Variants in PHF1 observed in about 807,000 individuals in gnomAD.
The protein encoded by PHF1 is PHD finger protein 1, also known as polycomb-like 1.
Under a neutral mutation model 69.4 loss-of-function variants are expected in PHF1, and 16 were observed. The observed-to-expected ratio is 0.23, with a 90% CI of 0.16 to 0.35. PHF1 has a LOEUF of 0.35. Among genes scored for constraint, PHF1 ranks in the 10% least tolerant of loss-of-function variants. PHF1 has a pLI of 1.00. For missense variants in PHF1, 515 were observed against 732.8 expected, an observed-to-expected ratio of 0.70 and a Z score of 3.43; for synonymous variants, 274 against 275.0, an observed-to-expected ratio of 1.00 and a Z score of 0.04.
At position 33,412,867 on chromosome 6, in the gene PHF1, C is replaced by T. The variant is rs907128800; in HGVS notation, c.337+74C>T. On this transcript the variant is annotated intron_variant, in intron 4 of 14. Transcript: ENST00000374516. This position sits in a 1 kb window ranked among gnomAD's most constrained non-coding sequence, Gnocchi z 4.2. ...ATGGTCTCTATATCACCTGTCCTGG[C>T]CTTAGTCCCCAAGCCACTGCTCTGG... is the stretch of plus-strand genomic sequence containing the variant. The T allele has an allele frequency of 1.0e-5, 13 of 1,244,342 alleles. No individual in the cohort carries two copies. Among genetic ancestry groups the T allele is most frequent in the African/African-American group, 3.0e-5 (2 of 67,732 alleles). 77.1% of individuals were successfully genotyped at this position (1,244,342 alleles called of 1,614,324 possible). A position where few individuals can be genotyped will look rare whatever the true frequency, so the allele number is the denominator to read the frequency against.
rs758714518 is a variant in PHF1 at position 33,415,217 on chromosome 6, C to T, written c.1240-18C>T. The T allele has an allele frequency of 6.2e-7, 1 of 1,612,958 alleles. No homozygotes were observed. Among genetic ancestry groups the T allele is most frequent in the East Asian group, 2.2e-5 (1 of 44,862 alleles). On this transcript the variant is annotated intron_variant, in intron 12 of 14. Coordinates refer to ENST00000374516, the MANE Select transcript of PHF1 (RefSeq NM_024165.3). ...AGGAGTCAAGGATTATCTCTCAGTC[C>T]TTTGCCCCCTCTTCTAGGCCTCAGT... is the stretch of plus-strand genomic sequence containing the variant.
In PHF1 at chr6:33,412,306, C is replaced by T; in HGVS notation, c.43C>T (p.Leu15Phe). 1 of 1,614,202 alleles carries T rather than the reference C, an allele frequency of 6.2e-7. No homozygotes were observed. Among genetic ancestry groups the T allele is most frequent in the South Asian group, 1.1e-5 (1 of 91,086 alleles). ...PRLSRSGASS[L>F]WDPASPAPTS... ...GCTGAGCCGCTCTGGTGCCTCCTCA[C>T]TTTGGGACCCAGCTTCTCCTGCTCC... Residue 15 changes from leucine to phenylalanine, a missense_variant, in exon 2 of 15, where the codon CTT (leucine) becomes TTT (phenylalanine). Physicochemically the swap from Leu to Phe is conservative, Grantham distance 22 (BLOSUM62 0). Transcript: ENST00000374516. This position sits in a 1 kb window ranked among gnomAD's most constrained non-coding sequence, Gnocchi z 4.2.
Position 33,414,063 on chromosome 6 carries a change from G to C in PHF1, c.706G>C (p.Val236Leu). ...CAGGTTCTATGAATTTGAATGCTGTGTGTGTCGCGGGGGCCCTGAGAAAGT... is the reference window on the plus strand; with the variant it reads ...CAGGTTCTATGAATTTGAATGCTGTCTGTGTCGCGGGGGCCCTGAGAAAGT... ...GDRFYEFECCVCRGGPEKVRR... is the reference protein window; with the variant it reads ...GDRFYEFECCLCRGGPEKVRR... Residue 236 changes from valine (V) to leucine (L), a missense_variant, in exon 8 of 15, where the codon GTG becomes CTG. By Grantham distance (32) the Val-to-Leu change is conservative. Transcript: ENST00000374516. The surrounding 1 kb of genome is among the most constrained non-coding windows in gnomAD (Gnocchi z 5.0). 6.2e-7 allele frequency: 1 copy of C among 1,614,142 alleles called. No homozygotes were observed.
Position 33,414,250 on chromosome 6 carries a change from G to A in PHF1, c.760G>A (p.Val254Met), listed in dbSNP as rs1374660454. 1 of 1,614,030 alleles carries A rather than the reference G, an allele frequency of 6.2e-7. No individual in the cohort carries two copies. The highest frequency in any genetic ancestry group is 1.3e-5 in the African/African-American group (1 of 74,904). Residue 254 changes from valine (V) to methionine (M), a missense_variant, in exon 9 of 15, where the codon GTG (valine) becomes ATG (methionine). By Grantham distance (21) the Val-to-Met change is conservative. Transcript: ENST00000374516. The surrounding 1 kb of genome is among the most constrained non-coding windows in gnomAD (Gnocchi z 5.0). The part of the protein sequence containing the change: ...VRRLQLRWVD[V>M]AHLVLYHLSV... ...AAAACTTTGTTTTTCCAGGGTGGAT[G>A]TGGCCCATCTTGTCCTGTATCACCT...
chr6:33,415,995 G>T lies in PHF1; in HGVS notation c.1601G>T (p.Gly534Val), dbSNP rs201620118. 26 of 1,614,016 alleles carry T rather than the reference G, an allele frequency of 1.6e-5. No homozygotes were observed. The highest frequency in any genetic ancestry group is 2.2e-5 in the Non-Finnish European group (26 of 1,179,908). The stretch of plus-strand genomic sequence containing the variant: ...GGGGGAGGAGTCCGAGGTGGGGTTG[G>T]TTACCTGTCCCGAGGGGACCCTGTC... ...GTGGGVRGGV[G>V]YLSRGDPVRV... The change falls in exon 15 of 15, where the codon GGT becomes GTT. Residue 534 changes from glycine (G) to valine (V), a missense_variant. Physicochemically the swap from Gly to Val is moderately radical, Grantham distance 109 (BLOSUM62 -3). This residue lies in a region of PHF1 where 274 missense variants were observed against 304.5 expected (regional missense o/e 0.90). Coordinates refer to ENST00000374516, the MANE Select transcript of PHF1 (RefSeq NM_024165.3).
chr6:33,412,775 T>C lies in PHF1; in HGVS notation c.319T>C (p.Cys107Arg). 1 of 1,613,938 alleles carries C rather than the reference T, an allele frequency of 6.2e-7. No homozygotes were observed. Among genetic ancestry groups the C allele is most frequent in the Non-Finnish European group, 8.5e-7 (1 of 1,179,964 alleles). The change falls in exon 4 of 15, where the codon TGT becomes CGT. Residue 107 changes from cysteine to arginine, a missense_variant. By Grantham distance (180) the Cys-to-Arg change is radical. Around this residue, in one of 5 missense-constraint regions of PHF1, gnomAD observed 142 missense variants for 309.7 expected, o/e 0.46. Transcript: ENST00000374516. The surrounding 1 kb of genome is among the most constrained non-coding windows in gnomAD (Gnocchi z 4.2). ...GGTCCCTGGGAACCGGCTGGTCAGC[T>C]GTGAGAAGTGTCGCCATGGTGAGAG... ...TVVPGNRLVS[C>R]EKCRHAYHQD...
rs776369338 is a variant in PHF1 at position 33,412,443 on chromosome 6, CCTT to C, written c.159+26_159+28del. On this transcript the variant is annotated intron_variant, in intron 2 of 14. Transcript: ENST00000374516. The surrounding 1 kb of genome is among the most constrained non-coding windows in gnomAD (Gnocchi z 4.2). ...AAAAGGTAAGACCTTCTACCTCTGA[CCTT>C]CTTCCTAGTTCCCTTATCTAATTCT... 1.2e-5 allele frequency: 20 copies of C among 1,614,108 alleles called. No homozygotes were observed. Among genetic ancestry groups the C allele is most frequent in the African/African-American group, 1.3e-5 (1 of 74,942 alleles).
At chr6:33,410,832 C>G (rs868836530), upstream of PHF1, 6 of 152,286 alleles carry the variant, frequency 3.9e-5, no homozygotes, top group South Asian at 6.2e-4. Flanking sequence ...CGACTCTTCG[C>G]TCCCCAAGCC....
In PHF1 at chr6:33,412,272, G is replaced by GC. The variant is rs770498402; in HGVS notation, c.16dup (p.Arg6ProfsTer38). On this transcript the variant is annotated frameshift_variant, in exon 2 of 15. Transcript: ENST00000374516. LOFTEE classifies it high-confidence loss of function. This position sits in a 1 kb window ranked among gnomAD's most constrained non-coding sequence, Gnocchi z 4.2. ...GGCCCCCCCAGGATGCAATGGCGCA[G>GC]CCCCCCCGGCTGAGCCGCTCTGGTG... The GC allele has an allele frequency of 3.2e-5, 52 of 1,612,720 alleles. No individual in the cohort carries two copies. The highest frequency in any genetic ancestry group is 4.0e-5 in the African/African-American group (3 of 74,834).
chr6:33,412,102 C>A lies in PHF1; in HGVS notation c.-16-146C>A. Reference sequence around the variant, plus strand: ...GCCTGAACCCGGGAGGTGGAGGTTGCAGTGAGCCAAGATTGTGCCACTGCA... The same window carrying A: ...GCCTGAACCCGGGAGGTGGAGGTTGAAGTGAGCCAAGATTGTGCCACTGCA... On this transcript the variant is annotated intron_variant, in intron 1 of 14. Transcript: ENST00000374516. The surrounding 1 kb of genome is among the most constrained non-coding windows in gnomAD (Gnocchi z 4.2). 4.7e-6 allele frequency: 3 copies of A among 639,920 alleles called. No homozygotes were observed. The South Asian group carries it at 6.2e-5, about 13-fold the overall frequency. The allele number at this position is 639,920 out of a possible 1,614,324, so 39.6% of individuals were successfully genotyped here. A position where few individuals can be genotyped will look rare whatever the true frequency, so the allele number is the denominator to read the frequency against.
rs879101450 is a variant in PHF1 at position 33,414,710 on chromosome 6, C to A, written c.945-15C>A. The stretch of plus-strand genomic sequence containing the variant: ...TTACAGCACTGACCCTATATCATTT[C>A]TCTTCTTGCCCCAGTTTCATTTCAG... On this transcript the variant is annotated splice_polypyrimidine_tract_variant and intron_variant, in intron 10 of 14. Transcript: ENST00000374516. This position sits in a 1 kb window ranked among gnomAD's most constrained non-coding sequence, Gnocchi z 5.0. 3.7e-6 allele frequency: 6 copies of A among 1,606,512 alleles called. No homozygotes were observed. In the South Asian group the frequency reaches 6.6e-5, roughly 18 times the overall value.
chr6:33,414,840 C>T lies in PHF1; in HGVS notation c.1049+11C>T. ...TGGAGCACTCACCAGGTCACTGGTCCAGGGGGGATGGGGGAAATTCTCAGG... is the reference window on the plus strand; with the variant it reads ...TGGAGCACTCACCAGGTCACTGGTCTAGGGGGGATGGGGGAAATTCTCAGG... On this transcript the variant is annotated intron_variant, in intron 11 of 14. Transcript: ENST00000374516. This position sits in a 1 kb window ranked among gnomAD's most constrained non-coding sequence, Gnocchi z 5.0. 1 of 1,598,866 alleles carries T rather than the reference C, an allele frequency of 6.3e-7. No homozygotes were observed. The highest frequency in any genetic ancestry group is 8.5e-7 in the Non-Finnish European group (1 of 1,172,184).
chr6:33,413,046 A>C (rs1776198507), intron 4 of PHF1, 150 bp from the exon 5 acceptor site: 3 of 787,318 alleles, frequency 3.8e-6, no homozygotes, highest in Non-Finnish European at 6.5e-6. Context: ...AACCTCTAGG[A>C]GCCTCAGTTC....
chr6:33,415,566 T>C, intron 13 of PHF1, 24 bp from the exon 14 acceptor site: 1 of 1,613,194 alleles, frequency 6.2e-7, no homozygotes, highest in Non-Finnish European at 8.5e-7. Flanking sequence ...CTTCAGGTCC[T>C]GACTTTCCCC....
Position 33,416,101 on chromosome 6 carries a change from A to G in PHF1, c.*3A>G. On this transcript the variant is annotated 3_prime_UTR_variant, in exon 15 of 15. Transcript: ENST00000374516. Reference sequence around the variant, plus strand: ...GGGGAGGAGGGGGCATCTTCTGAACAGCCTGCCTCTGCCCAGCTCCCCATT... The same window carrying G: ...GGGGAGGAGGGGGCATCTTCTGAACGGCCTGCCTCTGCCCAGCTCCCCATT... 1 of 1,531,564 alleles carries G rather than the reference A, an allele frequency of 6.5e-7. No homozygotes were observed. The highest frequency in any genetic ancestry group is 8.8e-7 in the Non-Finnish European group (1 of 1,140,566). 94.9% of individuals were successfully genotyped at this position (1,531,564 alleles called of 1,614,324 possible).
upstream of PHF1, chr6:33,410,705 C>T (rs1775963863): frequency 2.0e-5 from 1 of 49,594 alleles, no homozygotes; most frequent in Admixed American, 2.7e-4. Flanking sequence ...ACGGATGTGG[C>T]ATGGGGCGGG....
rs1776309795 is a variant in PHF1 at position 33,414,703 on chromosome 6, A to G, written c.945-22A>G. On this transcript the variant is annotated intron_variant, in intron 10 of 14. Transcript: ENST00000374516. The surrounding 1 kb of genome is among the most constrained non-coding windows in gnomAD (Gnocchi z 5.0). ...CCGTTTTTTACAGCACTGACCCTAT[A>G]TCATTTCTCTTCTTGCCCCAGTTTC... 3 of 1,597,254 alleles carry G rather than the reference A, an allele frequency of 1.9e-6. No individual in the cohort carries two copies. Among genetic ancestry groups the G allele is most frequent in the Non-Finnish European group, 2.6e-6 (3 of 1,165,452 alleles).
At chr6:33,413,124 G>A (rs1776204444) in intron 4 of PHF1, 72 bp from the exon 5 acceptor site, 3 of 1,284,634 alleles carry the variant, frequency 2.3e-6, no homozygotes, top group African/African-American at 1.5e-5. Context: ...AATGAGATGG[G>A]TAAAGACTAT....
At position 33,416,033 on chromosome 6, in the gene PHF1, C is replaced by T. The variant is rs754941553; in HGVS notation, c.1639C>T (p.Arg547Trp). The change falls in exon 15 of 15, where the codon CGG (arginine) becomes TGG (tryptophan). Residue 547 changes from arginine to tryptophan, a missense_variant. Coordinates refer to ENST00000374516, the MANE Select transcript of PHF1 (RefSeq NM_024165.3). ...SRGDPVRVLA[R>W]RVRPDGSVQY... is the part of the protein sequence containing the mutation. ...AGGGGACCCTGTCCGGGTCCTTGCT[C>T]GGAGAGTACGGCCTGATGGCTCTGT... 4 of 1,610,722 alleles carry T rather than the reference C, an allele frequency of 2.5e-6. No homozygotes were observed. Among genetic ancestry groups the T allele is most frequent in the South Asian group, 1.1e-5 (1 of 90,790 alleles).
Sources: gnomAD v4.1 joint callset for allele counts on GRCh38, gnomAD v4.1.1 for gene constraint, gnomAD v4.1.1 regional missense constraint, Gnocchi (gnomAD v3.1) non-coding constraint, MANE v1.5 for transcripts, NCBI Gene and HGNC (gene_info 2026-07-23, HGNC 2026-07-21) for gene names.